The following TRMT44 variants were observed in gnomAD, a reference collection of about 807,000 sequenced individuals.
The protein encoded by TRMT44 is tRNA methyltransferase 44 homolog.
A neutral mutation model predicts 77.3 loss-of-function variants in TRMT44; 78 were observed. That is an observed-to-expected ratio of 1.01 (90% CI 0.84 to 1.22). The LOEUF (loss-of-function observed/expected upper bound fraction) is 1.22, where lower values mean the gene tolerates loss of function less well. Among genes scored for constraint, TRMT44 ranks in the 50% most tolerant of loss-of-function variants. The probability of loss-of-function intolerance (pLI) is 0.00; values close to 1 mark genes in which losing one functional copy is unlikely to be tolerated. For missense variants in TRMT44, 1,090 were observed against 964.4 expected (o/e 1.13, Z -1.73); for synonymous variants, 391 against 383.3 (o/e 1.02, Z -0.23).
intron 1 of TRMT44, among the ~76,000 whole-genome samples, chr4:8,441,707 G>C (rs1724716529): frequency 6.6e-6 from 1 of 152,178 alleles, no homozygotes; most frequent in Admixed American, 6.5e-5. Flanking sequence ...GAGTTTAGCA[G>C]GTAAAGCTGT....
Position 8,461,119 on chromosome 4 carries a change from G to C in TRMT44, c.1204-2866G>C, listed in dbSNP as rs893005714. Among the ~76,000 whole-genome samples, 1 of 152,182 alleles carries C rather than the reference G, an allele frequency of 6.6e-6. No individual in the cohort carries two copies. Among genetic ancestry groups the C allele is most frequent in the Non-Finnish European group, 1.5e-5 (1 of 68,040 alleles). On this transcript the variant is annotated intron_variant, in intron 6 of 10. Transcript: ENST00000389737. The surrounding 1 kb of genome is among the most constrained non-coding windows in gnomAD (Gnocchi z 4.6). The stretch of plus-strand genomic sequence containing the variant: ...TCCCACCTCGGCCTCCCACAGGGCT[G>C]GGATGACAATGAGCCGCTGCGCCGG...
chr4:8,462,845 G>A (rs1272779723), intron 6 of TRMT44, among the ~76,000 whole-genome samples: 4 of 152,072 alleles, frequency 2.6e-5, no homozygotes, highest in Non-Finnish European at 4.4e-5. Context: ...ATTTATTCAC[G>A]CCATTTAAAG....
intron 2 of TRMT44, among the ~76,000 whole-genome samples, chr4:8,484,175 G>T (rs1459925289): frequency 2.0e-5 from 3 of 152,170 alleles, no homozygotes; most frequent in African/African-American, 7.2e-5. Flanking sequence ...AGTGTGATCA[G>T]GGTGAGGAAC....
downstream of TRMT44, among the ~76,000 whole-genome samples, chr4:8,498,001 C>T (rs1728199631): frequency 6.6e-6 from 1 of 152,208 alleles, no homozygotes; most frequent in South Asian, 2.1e-4. The surrounding 1 kb of genome is among the most constrained non-coding windows in gnomAD (Gnocchi z 4.3). Context: ...CCTTGCTCAG[C>T]TATGCTTCTC....
intron 2 of TRMT44, among the ~76,000 whole-genome samples, chr4:8,482,697 C>T (rs540974080): frequency 5.3e-5 from 8 of 152,206 alleles, no homozygotes; most frequent in African/African-American, 1.7e-4. Context: ...AGGCCATGTA[C>T]ACTTCTTTTG....
intron 5 of TRMT44, 67 bp from the exon 6 acceptor site, chr4:8,454,675 T>C: frequency 6.7e-7 from 1 of 1,491,910 alleles, no homozygotes; most frequent in Non-Finnish European, 9.3e-7. Flanking sequence ...AGAACTTTAA[T>C]GTGTTCTTGC....
intron 2 of TRMT44, among the ~76,000 whole-genome samples, chr4:8,491,559 A>G (rs1728005685): frequency 1.3e-5 from 2 of 152,332 alleles, no homozygotes; most frequent in South Asian, 4.1e-4. Flanking sequence ...TGCCCCATGG[A>G]AAGGCAGCTA....
the TRMT44 span, among the ~76,000 whole-genome samples, chr4:8,504,495 AC>A: frequency 1.3e-5 from 2 of 151,594 alleles, no homozygotes; most frequent in African/African-American, 2.4e-5. The surrounding 1 kb of genome is among the most constrained non-coding windows in gnomAD (Gnocchi z 5.3). Context: ...CTCCATGCTG[AC>A]CCCCAGCGTG....
At chr4:8,497,509 G>C (rs1305740206), downstream of TRMT44, among the ~76,000 whole-genome samples, 1 of 152,194 alleles carries the variant, frequency 6.6e-6, no homozygotes, top group African/African-American at 2.4e-5. Flanking sequence ...GCTGGGTGTG[G>C]TGGCAGGCGC....
rs1437965543 is a variant in TRMT44 at position 8,465,455 on chromosome 4, G to C, written c.1388G>C (p.Ser463Thr). 1 of 1,614,190 alleles carries C rather than the reference G, an allele frequency of 6.2e-7. No homozygotes were observed. The highest frequency in any genetic ancestry group is 1.1e-5 in the South Asian group (1 of 91,084). The change falls in exon 8 of 11, where the codon AGT becomes ACT. Residue 463 changes from serine to threonine, a missense_variant. Ser to Thr is a moderately conservative substitution (Grantham distance 58). Coordinates refer to ENST00000389737, the MANE Select transcript of TRMT44 (RefSeq NM_152544.3). ...DFIGRYSRRQ[S>T]KKTQYREYLD... ...ATTGGAAGATACTCCCGGAGGCAGAGTAAGAAGACTCAGTACCGGGAATAC... is the reference window on the plus strand; with the variant it reads ...ATTGGAAGATACTCCCGGAGGCAGACTAAGAAGACTCAGTACCGGGAATAC...
intron 7 of TRMT44, among the ~76,000 whole-genome samples, chr4:8,464,571 G>GT (rs1395197225): frequency 3.9e-5 from 6 of 152,190 alleles, no homozygotes; most frequent in African/African-American, 1.4e-4. Context: ...CCTCGTTGAC[G>GT]TTTCGTTGCT....
At chr4:8,511,489 G>T in the TRMT44 span, among the ~76,000 whole-genome samples, 1 of 152,108 alleles carries the variant, frequency 6.6e-6, no homozygotes, top group African/African-American at 2.4e-5. Context: ...AGATGGGGAG[G>T]TTATCCTGGC....
At chr4:8,454,445 C>A in intron 5 of TRMT44, 1 of 361,744 alleles carries the variant, frequency 2.8e-6, no homozygotes, top group Non-Finnish European at 5.1e-6. Context: ...CAAATATGTG[C>A]AGGCCATCAG....
At chr4:8,488,375 G>A (rs954769478) in intron 2 of TRMT44, among the ~76,000 whole-genome samples, 2 of 152,180 alleles carry the variant, frequency 1.3e-5, no homozygotes, top group Non-Finnish European at 2.9e-5. Context: ...AAGGGAGATA[G>A]GGGTGGGGCC....
chr4:8,483,654 G>C (rs1437990042), intron 2 of TRMT44, among the ~76,000 whole-genome samples: 1 of 152,180 alleles, frequency 6.6e-6, no homozygotes, highest in Non-Finnish European at 1.5e-5. Context: ...CCTGAAGACT[G>C]AGAACTGTAA....
Position 8,440,814 on chromosome 4 carries a change from C to T in TRMT44, c.-9C>T. 6.9e-7 allele frequency: 1 copy of T among 1,445,830 alleles called. No individual in the cohort carries two copies. Among genetic ancestry groups the T allele is most frequent in the African/African-American group, 1.5e-5 (1 of 68,018 alleles). 89.6% of individuals were successfully genotyped at this position (1,445,830 alleles called of 1,614,324 possible). On this transcript the variant is annotated 5_prime_UTR_variant, in exon 1 of 11. Coordinates refer to ENST00000389737, the MANE Select transcript of TRMT44 (RefSeq NM_152544.3). Reference sequence around the variant, plus strand: ...CGCCGCTGCCAGGGCTGTACACCTGCTGGCTGCCATGGCTGAGGTGGGCCG... The same window carrying T: ...CGCCGCTGCCAGGGCTGTACACCTGTTGGCTGCCATGGCTGAGGTGGGCCG...
rs1276345547 is a variant in TRMT44, at chr4:8,475,864, G to T, written c.2137G>T (p.Ala713Ser). Residue 713 changes from alanine to serine, a missense_variant, in exon 11 of 11, where the codon GCC becomes TCC. Transcript: ENST00000389737. ...AGCGAAACAGAGACTGCTCTCTGAA[G>T]CCTGCAAAACCCGCCTCTGCTGGTT... Reference protein sequence around the residue: ...PEAKQRLLSEACKTRLCWFFM... With the variant: ...PEAKQRLLSESCKTRLCWFFM... 2 of 1,614,110 alleles carry T rather than the reference G, an allele frequency of 1.2e-6. No homozygotes were observed. Among genetic ancestry groups the T allele is most frequent in the African/African-American group, 2.7e-5 (2 of 74,944 alleles).
intron 5 of TRMT44, chr4:8,453,478 A>AG (rs1390731037): frequency 6.5e-6 from 1 of 152,996 alleles, no homozygotes; most frequent in East Asian, 1.9e-4. Context: ...CTGCAAAAAA[A>AG]AGAAAAACAA....
chr4:8,502,539 C>T, the TRMT44 span, among the ~76,000 whole-genome samples: 21 of 152,306 alleles, frequency 1.4e-4, no homozygotes, highest in African/African-American at 2.9e-4. Flanking sequence ...TGGTCTCAGC[C>T]GAGGCTCAGC....
Sources: allele counts gnomAD v4.1 joint callset (sites outside exome capture counted in the v4.1 genomes callset), GRCh38; gene constraint gnomAD v4.1.1; non-coding constraint Gnocchi (gnomAD v3.1); transcripts MANE v1.5; gene names NCBI Gene and HGNC (gene_info 2026-07-23, HGNC 2026-07-21).